Variants in RIMS2 observed in about 807,000 individuals in gnomAD.
The protein encoded by RIMS2 is regulating synaptic membrane exocytosis protein 2.
RIMS2 carries 59 observed loss-of-function variants against 174.4 expected under a neutral mutation model. The ratio of observed to expected loss-of-function variants is 0.34; its 90% CI spans 0.27 to 0.42. The LOEUF (loss-of-function observed/expected upper bound fraction) is 0.42. RIMS2 is among the 10% of genes least tolerant of loss of function. The pLI is 1.00. For synonymous variants in RIMS2, 606 were observed against 572.5 expected (o/e 1.06, Z -0.84); for missense variants, 1,620 against 1,666.3 (o/e 0.97, Z 0.48).
chr8:103,913,043 G>T (rs181359185), intron 6 of RIMS2, among the ~76,000 whole-genome samples: 1 of 147,310 alleles, frequency 6.8e-6, no homozygotes, highest in Non-Finnish European at 1.5e-5. Flanking sequence ...CATGATCTCG[G>T]GTCACTGCAA....
intron 19 of RIMS2, chr8:104,148,736 G>T (rs1041968821): frequency 6.9e-6 from 11 of 1,598,324 alleles, no homozygotes; most frequent in Non-Finnish European, 9.3e-6. Context: ...ACACTGCAGT[G>T]GGCACCTTGG....
intron 3 of RIMS2, among the ~76,000 whole-genome samples, chr8:103,852,808 T>A (rs372925063): frequency 6.6e-6 from 1 of 152,064 alleles, no homozygotes; most frequent in South Asian, 2.1e-4. Flanking sequence ...AATCTGTCAT[T>A]GATAGGCAAT....
intron 19 of RIMS2, among the ~76,000 whole-genome samples, chr8:104,100,230 G>T (rs1432962166): frequency 2.0e-5 from 3 of 152,112 alleles, no homozygotes; most frequent in Non-Finnish European, 2.9e-5. Flanking sequence ...AAATGGAATT[G>T]TTTCATTACT....
chr8:103,544,074 G>T (rs745585020), intron 1 of RIMS2, among the ~76,000 whole-genome samples: 27,617 of 152,064 alleles, frequency 0.18, 2,733 homozygotes, highest in African/African-American at 0.25. Context: ...TCTGATAAGG[G>T]GTTAATATCC....
In RIMS2 at chr8:104,112,191, C is replaced by T. The variant is rs149487180; in HGVS notation, c.3334+97576C>T. Among the ~76,000 whole-genome samples the T allele has an allele frequency of 5.4e-4, 82 of 152,120 alleles. No individual in the cohort carries two copies. In the East Asian group the frequency reaches 8.7e-3, roughly 16 times the overall value. On this transcript the variant is annotated intron_variant, in intron 19 of 23. Coordinates refer to ENST00000504942, the Ensembl canonical transcript of RIMS2. Reference sequence around the variant, plus strand: ...TATTCAAGGTCAATCAATGTAATAACGAGTGAATGTTATAAGGAGATATTT... The same window carrying T: ...TATTCAAGGTCAATCAATGTAATAATGAGTGAATGTTATAAGGAGATATTT...
intron 2 of RIMS2, among the ~76,000 whole-genome samples, chr8:103,738,151 T>C (rs936274327): frequency 6.6e-6 from 1 of 152,158 alleles, no homozygotes; most frequent in African/African-American, 2.4e-5. Context: ...TTTCCTGATA[T>C]CACTAATTTT....
At chr8:104,243,591 C>T (rs1425566371) in intron 19 of RIMS2, among the ~76,000 whole-genome samples, 1 of 152,064 alleles carries the variant, frequency 6.6e-6, no homozygotes, top group Non-Finnish European at 1.5e-5. Context: ...GAGGCTGAGG[C>T]AGGAGAATCA....
At chr8:103,738,891 G>C (rs2097722464) in intron 2 of RIMS2, among the ~76,000 whole-genome samples, 1 of 151,856 alleles carries the variant, frequency 6.6e-6, no homozygotes, top group African/African-American at 2.4e-5. Context: ...AGGTGCTGGA[G>C]AGGATGTGGA....
In RIMS2 at chr8:103,916,384, T is replaced by G. The variant is rs201197224; in HGVS notation, c.1913-30T>G. 4.8e-5 allele frequency: 75 copies of G among 1,548,898 alleles called. No homozygotes were observed. In the African/African-American group the frequency reaches 9.2e-4, roughly 19 times the overall value. ...AATTTGTCAGATCAAATTTTCTGTA[T>G]AAGATTATTATTACTGACACCCACT... On this transcript the variant is annotated intron_variant, in intron 7 of 23. Coordinates refer to ENST00000504942, the Ensembl canonical transcript of RIMS2.
chr8:104,221,924 A>G (rs2099157319), intron 19 of RIMS2, among the ~76,000 whole-genome samples: 7 of 152,034 alleles, frequency 4.6e-5, no homozygotes, highest in Admixed American at 4.6e-4. Flanking sequence ...CACTCACTCC[A>G]ATTGCCCTGG....
chr8:103,705,258 A>G (rs1404438592), intron 2 of RIMS2, among the ~76,000 whole-genome samples: 2 of 152,064 alleles, frequency 1.3e-5, no homozygotes, highest in Non-Finnish European at 2.9e-5. Flanking sequence ...ACAGTTTTCA[A>G]CATTCCTCTT....
At chr8:103,814,059 A>G (rs1230660167) in intron 3 of RIMS2, among the ~76,000 whole-genome samples, 4 of 152,220 alleles carry the variant, frequency 2.6e-5, no homozygotes, top group African/African-American at 2.4e-5. Flanking sequence ...ATGGAATACT[A>G]TGCGCCATAA....
intron 16 of RIMS2, among the ~76,000 whole-genome samples, chr8:103,987,057 C>T (rs902588626): frequency 1.3e-5 from 2 of 152,066 alleles, no homozygotes; most frequent in African/African-American, 4.8e-5. Context: ...ACAACTGGCT[C>T]TAAAACCAGA....
At chr8:104,240,403 C>G (rs1256145444) in intron 19 of RIMS2, among the ~76,000 whole-genome samples, 1 of 152,170 alleles carries the variant, frequency 6.6e-6, no homozygotes, top group Admixed American at 6.5e-5. Flanking sequence ...GAATGACATT[C>G]AAGTTAAATT....
chr8:103,668,676 T>TTATTTATTTATG (rs1456961248), intron 1 of RIMS2, among the ~76,000 whole-genome samples: 3 of 151,648 alleles, frequency 2.0e-5, no homozygotes, highest in Non-Finnish European at 4.4e-5. Context: ...ATTTATTTAT[T>TTATTTATTTATG]TATTTATGTA....
chr8:103,955,156 A>G (rs1222724035), intron 14 of RIMS2, among the ~76,000 whole-genome samples: 1 of 152,184 alleles, frequency 6.6e-6, no homozygotes, highest in African/African-American at 2.4e-5. Context: ...TTCACAGCCA[A>G]ATTCTACCAG....
intron 3 of RIMS2, among the ~76,000 whole-genome samples, chr8:103,836,184 C>T (rs1011763291): frequency 2.0e-5 from 3 of 152,018 alleles, no homozygotes; most frequent in Non-Finnish European, 4.4e-5. Flanking sequence ...AACTCGTGTC[C>T]GTCACAGTAT....
rs115221889 is a variant in RIMS2, at chr8:103,839,195, G to A, written c.699-46103G>A. ...CTTCTCTGCTAGTTGCAACATTCTGGTCATCTGTAGGACTGTTTCTAATGT... is the reference window on the plus strand; with the variant it reads ...CTTCTCTGCTAGTTGCAACATTCTGATCATCTGTAGGACTGTTTCTAATGT... On this transcript the variant is annotated intron_variant, in intron 3 of 23. Transcript: ENST00000504942. Among the ~76,000 whole-genome samples the A allele has an allele frequency of 6.1e-3, 936 of 152,240 alleles. 12 individuals carry two copies. The highest frequency in any genetic ancestry group is 0.021 in the African/African-American group (886 of 41,554).
chr8:103,557,557 C>T (rs2090717210), intron 1 of RIMS2, among the ~76,000 whole-genome samples: 1 of 152,168 alleles, frequency 6.6e-6, no homozygotes, highest in African/African-American at 2.4e-5. Context: ...GTTCCAGGCA[C>T]TGTTCTAGAA....
Sources: allele counts gnomAD v4.1 joint callset (sites outside exome capture counted in the v4.1 genomes callset), GRCh38; gene constraint gnomAD v4.1.1; transcripts MANE v1.5; gene names NCBI Gene and HGNC (gene_info 2026-07-23, HGNC 2026-07-21).